Variants in GRIP1 observed in about 807,000 individuals in gnomAD.
GRIP1 encodes glutamate receptor interacting protein 1.
A neutral mutation model predicts 129.9 loss-of-function variants in GRIP1; 45 were observed. The observed-to-expected ratio is 0.35, with a 90% CI of 0.27 to 0.44. GRIP1 has a LOEUF of 0.44. GRIP1 is among the 20% of genes least tolerant of loss of function. The pLI, the probability that GRIP1 is intolerant of heterozygous loss-of-function variation, is 1.00. For missense variants in GRIP1, 1,196 were observed against 1,396.8 expected (o/e 0.86, Z 2.29); for synonymous variants, 530 against 520.8 (o/e 1.02, Z -0.24).
rs115235603 is a variant in GRIP1 at position 66,648,283 on chromosome 12, C to T, written c.55+30567G>A. 6.1e-3 allele frequency among the ~76,000 whole-genome samples: 933 copies of T among 152,290 alleles called. 9 individuals carry two copies. Among genetic ancestry groups the T allele is most frequent in the African/African-American group, 0.021 (892 of 41,540 alleles). ...GTTTTGAATATCATCCCGGAAGGGC[C>T]GTGGTATGCAGTAAGTGTTAGTGTT... is the stretch of plus-strand genomic sequence containing the variant. On this transcript the variant is annotated intron_variant, in intron 1 of 24. Coordinates refer to ENST00000359742, the MANE Select transcript of GRIP1 (RefSeq NM_001366722.1).
chr12:66,760,387 G>A (rs2136665883), intron 1 of GRIP1, among the ~76,000 whole-genome samples: 1 of 152,222 alleles, frequency 6.6e-6, no homozygotes, highest in South Asian at 2.1e-4. Context: ...CCAAACAGGG[G>A]AAAATAAAAA....
intron 7 of GRIP1, among the ~76,000 whole-genome samples, chr12:66,504,537 G>A (rs1204027639): frequency 1.3e-5 from 2 of 152,154 alleles, no homozygotes; most frequent in Admixed American, 6.6e-5. Flanking sequence ...GGTAGATGGT[G>A]TAGGTAATCA....
intron 17 of GRIP1, 120 bp from the exon 18 acceptor site, chr12:66,392,936 TC>T (rs1304476104): frequency 2.1e-6 from 2 of 971,374 alleles, no homozygotes; most frequent in African/African-American, 3.2e-5. Context: ...TCTCCAGAAG[TC>T]CCTTCTTGCT....
At chr12:66,597,376 T>A (rs1333713255) in intron 1 of GRIP1, among the ~76,000 whole-genome samples, 1 of 152,030 alleles carries the variant, frequency 6.6e-6, no homozygotes, top group Non-Finnish European at 1.5e-5. Context: ...AAGGTAATAT[T>A]TCAGATAAGC....
rs1555201171 is a variant in GRIP1 at position 66,528,132 on chromosome 12, A to AG, written c.502+1698dup. On this transcript the variant is annotated intron_variant, in intron 5 of 24. Coordinates refer to ENST00000359742, the MANE Select transcript of GRIP1 (RefSeq NM_001366722.1). ...GATAGAATTATACTTTAGAATTAGT[A>AG]GGTTTTTTTTTTTTTTTTTTGAGAT... 1.8e-3 allele frequency among the ~76,000 whole-genome samples: 127 copies of AG among 70,520 alleles called. 1 individual carries two copies. Among genetic ancestry groups the AG allele is most frequent in the African/African-American group, 8.6e-3 (122 of 14,130 alleles). The allele number at this position is 70,520 out of a possible 152,430, so 46.3% of individuals were successfully genotyped here. A position where few individuals can be genotyped will look rare whatever the true frequency, so the allele number is the denominator to read the frequency against.
At chr12:66,364,002 C>T (rs1433865336) in intron 23 of GRIP1, among the ~76,000 whole-genome samples, 1 of 151,758 alleles carries the variant, frequency 6.6e-6, no homozygotes, top group Non-Finnish European at 1.5e-5. Flanking sequence ...CCTATAATCC[C>T]AGCACTTTGG....
chr12:66,881,546 G>T (rs922132775), intron 1 of GRIP1, among the ~76,000 whole-genome samples: 1 of 151,694 alleles, frequency 6.6e-6, no homozygotes. Flanking sequence ...TACCTCTCCA[G>T]CTTCATCCAT....
chr12:66,610,071 A>G (rs1412713861), intron 1 of GRIP1, among the ~76,000 whole-genome samples: 2 of 152,128 alleles, frequency 1.3e-5, no homozygotes, highest in Non-Finnish European at 2.9e-5. Context: ...ACTGAACCCC[A>G]TTATATTTTG....
intron 2 of GRIP1, among the ~76,000 whole-genome samples, chr12:66,590,580 A>AT (rs1274419502): frequency 6.6e-6 from 1 of 152,092 alleles, no homozygotes; most frequent in South Asian, 2.1e-4. Context: ...TTTTCCTCAT[A>AT]TTTTTTAGCA....
rs188322379 is a variant in GRIP1 at position 66,517,553 on chromosome 12, T to A, written c.578+348A>T. ...TTCCAGCATCTGCCTAAATGCTGAG[T>A]TCTGTAAGTACCTCCCCTGTGCCAT... On this transcript the variant is annotated intron_variant, in intron 6 of 24. Coordinates refer to ENST00000359742, the MANE Select transcript of GRIP1 (RefSeq NM_001366722.1). 6.6e-5 allele frequency among the ~76,000 whole-genome samples: 10 copies of A among 152,204 alleles called. No individual in the cohort carries two copies. In the East Asian group the frequency reaches 1.9e-3, roughly 29 times the overall value.
chr12:66,815,028 G>A (rs545457472), intron 1 of GRIP1, among the ~76,000 whole-genome samples: 1 of 152,162 alleles, frequency 6.6e-6, no homozygotes, highest in Admixed American at 6.5e-5. Flanking sequence ...ATTACAATTC[G>A]AGATGAGATT....
Position 66,456,955 on chromosome 12 carries a change from TAA to T in GRIP1, c.1043-615_1043-614del, listed in dbSNP as rs2058985108. 2.0e-5 allele frequency among the ~76,000 whole-genome samples: 3 copies of T among 152,334 alleles called. No homozygotes were observed. In the South Asian group the frequency reaches 6.2e-4, roughly 32 times the overall value. ...TGTATCTCGACTAATAAGGAGAAGA[TAA>T]AAGTCTCTATATTTTATGATTTTTT... On this transcript the variant is annotated intron_variant, in intron 9 of 24. Transcript: ENST00000359742.
intron 1 of GRIP1, among the ~76,000 whole-genome samples, chr12:66,638,025 C>T: frequency 6.6e-6 from 1 of 152,188 alleles, no homozygotes; most frequent in Non-Finnish European, 1.5e-5. Flanking sequence ...GCCAAGACTC[C>T]ACATGGTGTA....
chr12:66,423,116 A>C (rs1007075652), intron 14 of GRIP1, among the ~76,000 whole-genome samples: 6 of 152,228 alleles, frequency 3.9e-5, no homozygotes, highest in African/African-American at 1.4e-4. Context: ...ATAGATGGGC[A>C]ATATGGTGTC....
Position 67,042,204 on chromosome 12 carries a change from C to T in GRIP1, c.58+26846G>A, listed in dbSNP as rs116800716. Among the ~76,000 whole-genome samples, 544 of 152,252 alleles carry T rather than the reference C, an allele frequency of 3.6e-3. 3 individuals carry two copies. The highest frequency in any genetic ancestry group is 0.013 in the African/African-American group (524 of 41,542). ...CTCTCCATCTTGAACTTCCCAGTCTCCAGAACTGTAAGCCAAATACATCTC... is the reference window on the plus strand; with the variant it reads ...CTCTCCATCTTGAACTTCCCAGTCTTCAGAACTGTAAGCCAAATACATCTC... On this transcript the variant is annotated intron_variant, in intron 1 of 1. Coordinates refer to the GRIP1 transcript ENST00000643019.
chr12:66,426,526 G>C (rs76074537), intron 14 of GRIP1, among the ~76,000 whole-genome samples: 2,815 of 152,116 alleles, frequency 0.019, 99 homozygotes, highest in African/African-American at 0.064. Context: ...TCAATGATAG[G>C]TTTCTCTTTG....
At chr12:66,502,938 T>G (rs1249436458) in intron 7 of GRIP1, among the ~76,000 whole-genome samples, 1 of 152,108 alleles carries the variant, frequency 6.6e-6, no homozygotes, top group Non-Finnish European at 1.5e-5. Flanking sequence ...TATTAGAAAT[T>G]GTTACATGAA....
intron 2 of GRIP1, among the ~76,000 whole-genome samples, chr12:66,563,289 A>G (rs2062605910): frequency 6.6e-6 from 1 of 152,162 alleles, no homozygotes; most frequent in South Asian, 2.1e-4. Flanking sequence ...ATTCCTTAAC[A>G]TCAGTATTAG....
chr12:66,744,647 C>T (rs978304940), intron 1 of GRIP1, among the ~76,000 whole-genome samples: 9 of 152,138 alleles, frequency 5.9e-5, no homozygotes, highest in African/African-American at 2.2e-4. Flanking sequence ...CTCCTAGAGG[C>T]CTGGCCCATC....
Sources: gnomAD v4.1 joint callset for allele counts (sites outside exome capture counted in the v4.1 genomes callset) on GRCh38, gnomAD v4.1.1 for gene constraint, MANE v1.5 for transcripts, NCBI Gene and HGNC (gene_info 2026-07-23, HGNC 2026-07-21) for gene names.